The following ANO8 variants were observed in gnomAD, a reference collection of about 807,000 sequenced individuals.
The protein encoded by ANO8 is anoctamin-8.
In ANO8, 67 loss-of-function variants were observed where a neutral mutation model predicts 120.4. The ratio of observed to expected loss-of-function variants is 0.56; its 90% CI spans 0.46 to 0.68. The LOEUF (loss-of-function observed/expected upper bound fraction) is 0.68. ANO8 is among the 30% of genes least tolerant of loss of function. The pLI, the probability that ANO8 is intolerant of heterozygous loss-of-function variation, is 0.00. For missense variants in ANO8, 1,526 were observed against 1,737.6 expected, an observed-to-expected ratio of 0.88 and a Z score of 2.16; for synonymous variants, 727 against 759.2, an observed-to-expected ratio of 0.96 and a Z score of 0.70.
rs1381494988 is a variant in ANO8, at chr19:17,331,341, G to T, written c.657C>A (p.Arg219=). Residue 219 remains arginine, a synonymous_variant, in exon 6 of 18, where the codon CGC becomes CGA. Transcript: ENST00000159087. ...FPVHEQRILN[R]LMKSWVQAVC... ...CGGCCTGCACCCATGACTTCATGAG[G>T]CGGTTCAGAATACGCTGCTCGTGGA... The T allele has an allele frequency of 1.9e-6, 3 of 1,614,014 alleles. No homozygotes were observed. Among genetic ancestry groups the T allele is most frequent in the Non-Finnish European group, 1.7e-6 (2 of 1,180,048 alleles).
Position 17,330,361 on chromosome 19 carries a change from GA to G in ANO8, c.1136del (p.Phe379SerfsTer8). Reference sequence around the variant, plus strand: ...GGGTATGGGGGGTCACCTGCAGCTGGAAGCAGCCAAGCATGAGCAAGAAGAC... The same window carrying G: ...GGGTATGGGGGGTCACCTGCAGCTGGAGCAGCCAAGCATGAGCAAGAAGAC... ...VCVFLLMLGC[F>X]QLQELVLSVK... On this transcript the variant is annotated frameshift_variant, in exon 9 of 18. Coordinates refer to ENST00000159087, the MANE Select transcript of ANO8 (RefSeq NM_020959.3). LOFTEE classifies it high-confidence loss of function. 6.3e-7 allele frequency: 1 copy of G among 1,599,550 alleles called. No homozygotes were observed. Among genetic ancestry groups the G allele is most frequent in the South Asian group, 1.1e-5 (1 of 89,412 alleles).
At chr19:17,325,707 C>A (rs2074269878) in intron 16 of ANO8, among the ~76,000 whole-genome samples, 1 of 152,160 alleles carries the variant, frequency 6.6e-6, no homozygotes, top group Admixed American at 6.6e-5. Flanking sequence ...ATGGGAGGAT[C>A]ACTTGAGGCC....
chr19:17,329,553 C>A, intron 12 of ANO8: 1 of 601,826 alleles, frequency 1.7e-6, no homozygotes, highest in Non-Finnish European at 2.9e-6. Context: ...TGTGAAGGGA[C>A]CGACGGACAG....
At chr19:17,328,121 G>GGCGAGGCCCCGCCCCCA in intron 13 of ANO8, 41 bp downstream of exon 13, 11 of 1,436,410 alleles carry the variant, frequency 7.7e-6, no homozygotes, top group Non-Finnish European at 1.0e-5. Context: ...TCCCGTCCCC[G>GGCGAGGCCCCGCCCCCA]GCGAGGCCCC....
In ANO8 at chr19:17,323,792, G is replaced by A; in HGVS notation, c.3424C>T (p.Pro1142Ser). The change falls in exon 18 of 18, where the codon CCG becomes TCG. Residue 1142 changes from proline to serine, a missense_variant. Pro to Ser is a moderately conservative substitution (Grantham distance 74). Coordinates refer to ENST00000159087, the MANE Select transcript of ANO8 (RefSeq NM_020959.3). ...PPPPMPLPRP[P>S]TPPAGCWQWD... Reference sequence around the variant, plus strand: ...TGCCAGCAGCCTGCGGGCGGTGTCGGGGGCCGGGGCAGCGGCATTGGCGGC... The same window carrying A: ...TGCCAGCAGCCTGCGGGCGGTGTCGAGGGCCGGGGCAGCGGCATTGGCGGC... 2 of 1,158,230 alleles carry A rather than the reference G, an allele frequency of 1.7e-6. No individual in the cohort carries two copies. The highest frequency in any genetic ancestry group is 3.6e-4 in the Middle Eastern group (1 of 2,798). The allele number at this position is 1,158,230 out of a possible 1,614,324, so 71.7% of individuals were successfully genotyped here.
Position 17,325,218 on chromosome 19 carries a change from C to G in ANO8, c.2830G>C (p.Glu944Gln), listed in dbSNP as rs1324351117. 1 of 1,612,026 alleles carries G rather than the reference C, an allele frequency of 6.2e-7. No individual in the cohort carries two copies. The highest frequency in any genetic ancestry group is 1.1e-5 in the South Asian group (1 of 91,054). ...GSGLDPATSS[E>Q]KASAKAKGST... is the part of the protein sequence containing the mutation. Reference sequence around the variant, plus strand: ...CCCTTGGCCTTGGCAGAGGCCTTCTCGGAGGAGGTGGCAGGGTCCAGCCCA... The same window carrying G: ...CCCTTGGCCTTGGCAGAGGCCTTCTGGGAGGAGGTGGCAGGGTCCAGCCCA... Residue 944 changes from glutamate to glutamine, a missense_variant, in exon 17 of 18, where the codon GAG (glutamate) becomes CAG (glutamine). Around this residue, in one of 8 missense-constraint regions of ANO8, gnomAD observed 489 missense variants for 548.6 expected, o/e 0.89. Transcript: ENST00000159087.
Position 17,328,385 on chromosome 19 carries a change from C to T in ANO8, c.2003G>A (p.Gly668Asp). Residue 668 changes from glycine (G) to aspartate (D), a missense_variant, in exon 13 of 18, where the codon GGC becomes GAC. By Grantham distance (94) the Gly-to-Asp change is moderately conservative. This residue lies in a region of ANO8 where 467 missense variants were observed against 425.8 expected (regional missense o/e 1.10). Coordinates refer to ENST00000159087, the MANE Select transcript of ANO8 (RefSeq NM_020959.3). ...EEDDEAEGAP[G>D]SPEREPPAIL... ...GGCCGGGGGCTCCCGTTCAGGGCTGCCGGGAGCCCCCTCCGCCTCGTCGTC... is the reference window on the plus strand; with the variant it reads ...GGCCGGGGGCTCCCGTTCAGGGCTGTCGGGAGCCCCCTCCGCCTCGTCGTC... 1 of 1,571,980 alleles carries T rather than the reference C, an allele frequency of 6.4e-7. No homozygotes were observed. Among genetic ancestry groups the T allele is most frequent in the Non-Finnish European group, 8.6e-7 (1 of 1,163,684 alleles).
rs1013014726 is a variant in ANO8 at position 17,333,867 on chromosome 19, C to G, written c.107-67G>C. 1.5e-6 allele frequency: 2 copies of G among 1,354,634 alleles called. No homozygotes were observed. Among genetic ancestry groups the G allele is most frequent in the South Asian group, 2.5e-5 (2 of 79,748 alleles). The allele number at this position is 1,354,634 out of a possible 1,614,324, so 83.9% of individuals were successfully genotyped here. On this transcript the variant is annotated intron_variant, in intron 1 of 17. Coordinates refer to ENST00000159087, the MANE Select transcript of ANO8 (RefSeq NM_020959.3). This position sits in a 1 kb window ranked among gnomAD's most constrained non-coding sequence, Gnocchi z 7.2. ...ATCCGGACCCGGCCTCCAGTCTTGG[C>G]TCCTCCTGCCCCCGCCAGGGCTCCT...
chr19:17,325,537 G>C (rs1255046563), intron 16 of ANO8, 151 bp from the exon 17 acceptor site: 2 of 1,180,842 alleles, frequency 1.7e-6, no homozygotes, highest in Non-Finnish European at 2.3e-6. Flanking sequence ...CACAATGGGG[G>C]CTCCCTGCAG....
Position 17,333,872 on chromosome 19 carries a change from C to T in ANO8, c.107-72G>A. On this transcript the variant is annotated intron_variant, in intron 1 of 17. Transcript: ENST00000159087. This position sits in a 1 kb window ranked among gnomAD's most constrained non-coding sequence, Gnocchi z 7.2. ...GACCCGGCCTCCAGTCTTGGCTCCT[C>T]CTGCCCCCGCCAGGGCTCCTCACCA... 1 of 1,307,312 alleles carries T rather than the reference C, an allele frequency of 7.6e-7. No homozygotes were observed. Among genetic ancestry groups the T allele is most frequent in the Non-Finnish European group, 1.1e-6 (1 of 929,554 alleles). 81.0% of individuals were successfully genotyped at this position (1,307,312 alleles called of 1,614,324 possible).
chr19:17,331,016 C>A, intron 7 of ANO8, 27 bp from the exon 8 acceptor site: 1 of 1,613,974 alleles, frequency 6.2e-7, no homozygotes, highest in South Asian at 1.1e-5. Flanking sequence ...AGAGTTGAGT[C>A]ATTGTTTGTG....
rs200317906 is a variant in ANO8 at position 17,330,472 on chromosome 19, G to C, written c.1026C>G (p.Ala342=). ...GVRRISPITR[A]EEFYYPPWKR... ...TCCAGGGCGGGTAGTAGAACTCCTC[G>C]GCCCGCGTGATGGGGCTGATACGTC... The change falls in exon 9 of 18, where the codon GCC becomes GCG. Residue 342 remains alanine (A), a synonymous_variant. Coordinates refer to ENST00000159087, the MANE Select transcript of ANO8 (RefSeq NM_020959.3). 2.8e-5 allele frequency: 43 copies of C among 1,552,208 alleles called. No homozygotes were observed. Among genetic ancestry groups the C allele is most frequent in the African/African-American group, 1.1e-4 (8 of 73,318 alleles).
Position 17,329,747 on chromosome 19 carries a change from G to A in ANO8, c.1404+10C>T. 1.9e-6 allele frequency: 3 copies of A among 1,608,904 alleles called. No individual in the cohort carries two copies. The South Asian group carries it at 3.3e-5, about 18-fold the overall frequency. On this transcript the variant is annotated intron_variant, in intron 12 of 17. Coordinates refer to ENST00000159087, the MANE Select transcript of ANO8 (RefSeq NM_020959.3). ...GGCAGGGGGGACTGCCGCTGGGGCG[G>A]GGGTCTCACCTCTTTCAAGCGCTCC...
Position 17,331,127 on chromosome 19 carries a change from GACAGCTGGGTAT to G in ANO8, c.780_791del (p.Tyr261_Val264del). 1 of 1,614,222 alleles carries G rather than the reference GACAGCTGGGTAT, an allele frequency of 6.2e-7. No homozygotes were observed. Among genetic ancestry groups the G allele is most frequent in the Non-Finnish European group, 8.5e-7 (1 of 1,180,036 alleles). ...TGAATGTGTACAGGACAGACCCGAAGACAGCTGGGTATACCATAGCCGACGTGTAGAAGCCCA... is the reference window on the plus strand; with the variant it reads ...TGAATGTGTACAGGACAGACCCGAAGACCATAGCCGACGTGTAGAAGCCCA... On this transcript the variant is annotated inframe_deletion, in exon 7 of 18. Coordinates refer to ENST00000159087, the MANE Select transcript of ANO8 (RefSeq NM_020959.3).
At chr19:17,329,046 G>T in intron 12 of ANO8, 63 bp from the exon 13 acceptor site, 2 of 1,310,520 alleles carry the variant, frequency 1.5e-6, no homozygotes, top group Non-Finnish European at 2.0e-6. Context: ...GGGATCGGGG[G>T]ACTCACCCTC....
intron 11 of ANO8, 26 bp downstream of exon 11, chr19:17,329,933 C>G (rs369858158): frequency 1.4e-5 from 23 of 1,614,012 alleles, no homozygotes; most frequent in Non-Finnish European, 1.9e-5. Context: ...CGTTGTCCCC[C>G]TGCCTGTCCG....
chr19:17,333,559 C>T lies in ANO8; in HGVS notation c.218-5G>A, dbSNP rs775262105. ...GCGTGTGGTCATCGGTCGTGTCTGCCAAGGGGCACAGGGACCGATGGCTCC... is the reference window on the plus strand; with the variant it reads ...GCGTGTGGTCATCGGTCGTGTCTGCTAAGGGGCACAGGGACCGATGGCTCC... On this transcript the variant is annotated splice_polypyrimidine_tract_variant and splice_region_variant and intron_variant, in intron 2 of 17. Transcript: ENST00000159087. The surrounding 1 kb of genome is among the most constrained non-coding windows in gnomAD (Gnocchi z 7.2). The T allele has an allele frequency of 3.1e-6, 5 of 1,611,942 alleles. No homozygotes were observed. In the East Asian group the frequency reaches 6.7e-5, roughly 22 times the overall value.
rs999398876 is a variant in ANO8, at chr19:17,325,883, G to A, written c.2662-497C>T. ...ACGGAGGTTGCAGTGAGCTGAGATTGTGCCATTGCACTCCAGCCTGGGGAC... is the reference window on the plus strand; with the variant it reads ...ACGGAGGTTGCAGTGAGCTGAGATTATGCCATTGCACTCCAGCCTGGGGAC... On this transcript the variant is annotated intron_variant, in intron 16 of 17. Transcript: ENST00000159087. Among the ~76,000 whole-genome samples, 6 of 152,326 alleles carry A rather than the reference G, an allele frequency of 3.9e-5. No homozygotes were observed. In the East Asian group the frequency reaches 1.2e-3, roughly 29 times the overall value.
intron 12 of ANO8, 38 bp from the exon 13 acceptor site, chr19:17,329,021 G>A (rs968799246): frequency 7.1e-7 from 1 of 1,399,094 alleles, no homozygotes; most frequent in Admixed American, 2.9e-5. Flanking sequence ...GCGCGTGGGG[G>A]GCAAGCGGGG....
Sources: allele counts gnomAD v4.1 joint callset (sites outside exome capture counted in the v4.1 genomes callset), GRCh38; gene constraint gnomAD v4.1.1; regional missense constraint gnomAD v4.1.1; non-coding constraint Gnocchi (gnomAD v3.1); transcripts MANE v1.5; gene names NCBI Gene and HGNC (gene_info 2026-07-23, HGNC 2026-07-21).